The following APCDD1L variants were observed in gnomAD, a reference collection of about 807,000 sequenced individuals.
APCDD1L encodes APC down-regulated 1 like.
Under a neutral mutation model 24.2 loss-of-function variants are expected in APCDD1L, and 21 were observed. That is an observed-to-expected ratio of 0.87 (90% CI 0.61 to 1.25). APCDD1L has a LOEUF of 1.25. Among genes scored for constraint, APCDD1L ranks in the 50% most tolerant of loss-of-function variants. The pLI is 0.00. For missense variants in APCDD1L, 704 were observed against 711.7 expected (o/e 0.99, Z 0.12); for synonymous variants, 321 against 323.6 (o/e 0.99, Z 0.09).
chr20:58,490,852 G>T (rs998790629), intron 1 of APCDD1L, among the ~76,000 whole-genome samples: 1 of 152,196 alleles, frequency 6.6e-6, no homozygotes, highest in Non-Finnish European at 1.5e-5. Context: ...AGAGAGGAAA[G>T]TTATAGGCCA....
At chr20:58,511,733 A>G (rs1990631403) in intron 1 of APCDD1L, among the ~76,000 whole-genome samples, 1 of 152,150 alleles carries the variant, frequency 6.6e-6, no homozygotes, top group African/African-American at 2.4e-5. Flanking sequence ...GGATGAGTGT[A>G]TTTAAGTAAT....
At chr20:58,481,477 T>TC (rs1990023520) in intron 1 of APCDD1L, among the ~76,000 whole-genome samples, 1 of 152,158 alleles carries the variant, frequency 6.6e-6, no homozygotes, top group Non-Finnish European at 1.5e-5. Context: ...CACCAGATCT[T>TC]CCCCAGAGGG....
At chr20:58,504,162 G>C (rs1990492323) in intron 1 of APCDD1L, among the ~76,000 whole-genome samples, 1 of 152,214 alleles carries the variant, frequency 6.6e-6, no homozygotes, top group South Asian at 2.1e-4. Flanking sequence ...ATGGGGGAGA[G>C]GAGACAGCAG....
Position 58,467,388 on chromosome 20 carries a change from G to A in APCDD1L, c.459C>T (p.Arg153=). ...VDVTGRLNQT[R]AGRDCARRLP... is the part of the protein sequence containing the mutation. ...GCCGCCGCGCGCAGTCCCGGCCGGC[G>A]CGGGTCTGGTTGAGGCGCCCGGTGA... is the stretch of plus-strand genomic sequence containing the variant. The change falls in exon 3 of 4, where the codon CGC becomes CGT. Residue 153 remains arginine (R), a synonymous_variant. Coordinates refer to ENST00000371149, the MANE Select transcript of APCDD1L (RefSeq NM_153360.3). The surrounding 1 kb of genome is among the most constrained non-coding windows in gnomAD (Gnocchi z 5.9). 6.6e-7 allele frequency: 1 copy of A among 1,515,178 alleles called. No individual in the cohort carries two copies. The highest frequency in any genetic ancestry group is 8.8e-7 in the Non-Finnish European group (1 of 1,135,080). The allele number at this position is 1,515,178 out of a possible 1,614,324, so 93.9% of individuals were successfully genotyped here. A position where few individuals can be genotyped will look rare whatever the true frequency, so the allele number is the denominator to read the frequency against.
At chr20:58,495,408 A>T in intron 1 of APCDD1L, among the ~76,000 whole-genome samples, 1 of 152,308 alleles carries the variant, frequency 6.6e-6, no homozygotes, top group South Asian at 2.1e-4. Flanking sequence ...TAGAAGCCTT[A>T]TCAAACGCTG....
chr20:58,513,004 C>T (rs1990658080), intron 1 of APCDD1L, among the ~76,000 whole-genome samples: 1 of 151,244 alleles, frequency 6.6e-6, no homozygotes, highest in East Asian at 2.0e-4. Context: ...CCCCAAGAGC[C>T]AGCCACGGCT....
At chr20:58,465,971 AG>A (rs990088215) in intron 3 of APCDD1L, among the ~76,000 whole-genome samples, 6 of 151,890 alleles carry the variant, frequency 4.0e-5, no homozygotes, top group South Asian at 2.1e-4. Context: ...AGATTTTCTG[AG>A]GGGGGTTCCT....
At chr20:58,505,695 G>A (rs917387277) in intron 1 of APCDD1L, among the ~76,000 whole-genome samples, 5 of 151,854 alleles carry the variant, frequency 3.3e-5, no homozygotes, top group Non-Finnish European at 5.9e-5. Context: ...TTGCAACACT[G>A]CAAAATATAT....
intron 1 of APCDD1L, among the ~76,000 whole-genome samples, chr20:58,512,894 C>A (rs889403015): frequency 6.6e-6 from 1 of 152,038 alleles, no homozygotes; most frequent in Non-Finnish European, 1.5e-5. Flanking sequence ...CAGGCTGCCC[C>A]CCTCTCTCGT....
chr20:58,476,114 C>G (rs886313596), intron 1 of APCDD1L, among the ~76,000 whole-genome samples: 6 of 152,184 alleles, frequency 3.9e-5, no homozygotes, highest in Non-Finnish European at 8.8e-5. Context: ...CAAGGGCCAT[C>G]CAAAATTGAG....
intron 1 of APCDD1L, among the ~76,000 whole-genome samples, chr20:58,486,854 G>GTTTTTTTTTTTTTTTTTTTTTT (rs747539318): frequency 3.7e-5 from 3 of 80,404 alleles, no homozygotes; most frequent in Non-Finnish European, 6.4e-5. Context: ...TGGAGGGAAG[G>GTTTTTTTTTTTTTTTTTTTTTT]TTTTTTTTTT....
intron 1 of APCDD1L, chr20:58,514,040 C>T (rs1296647501): frequency 2.7e-6 from 3 of 1,094,194 alleles, no homozygotes; most frequent in East Asian, 6.0e-5. Context: ...GTCTACCCTA[C>T]TCCCCACCCC....
At chr20:58,489,490 TG>T (rs1385547163) in intron 1 of APCDD1L, among the ~76,000 whole-genome samples, 1 of 152,152 alleles carries the variant, frequency 6.6e-6, no homozygotes, top group Non-Finnish European at 1.5e-5. Flanking sequence ...GAGATCAGCC[TG>T]GCCAGCATGG....
chr20:58,508,943 T>G lies in APCDD1L; in HGVS notation c.49+5716A>C, dbSNP rs180808419. ...GTGTGCATGAGTGTGCGTGAGTGTG[T>G]GTGAGTGTGCATGTGTGTCTGTGTG... On this transcript the variant is annotated intron_variant, in intron 1 of 3. Coordinates refer to ENST00000371149, the MANE Select transcript of APCDD1L (RefSeq NM_153360.3). The surrounding 1 kb of genome is among the most constrained non-coding windows in gnomAD (Gnocchi z 4.0). Among the ~76,000 whole-genome samples the G allele has an allele frequency of 1.3e-5, 2 of 151,932 alleles. No individual in the cohort carries two copies. The highest frequency in any genetic ancestry group is 4.8e-5 in the African/African-American group (2 of 41,342).
intron 1 of APCDD1L, 33 bp from the exon 2 acceptor site, chr20:58,470,780 G>A (rs1374636788): frequency 1.3e-6 from 2 of 1,509,714 alleles, no homozygotes; most frequent in Admixed American, 4.1e-5. Context: ...TAAGACCCCA[G>A]CATGCCCCGG....
rs374198780 is a variant in APCDD1L, at chr20:58,501,536, C to T, written c.49+13123G>A. On this transcript the variant is annotated intron_variant, in intron 1 of 3. Transcript: ENST00000371149. ...ACCCTGCAGACACCTTGATCTCTGA[C>T]TTCCAGCCTCCAGAGCTGGGCAAGA... 1.1e-4 allele frequency among the ~76,000 whole-genome samples: 16 copies of T among 152,354 alleles called. 2 individuals are homozygous for T. Among genetic ancestry groups the T allele is most frequent in the African/African-American group, 3.8e-4 (16 of 41,584 alleles).
intron 1 of APCDD1L, among the ~76,000 whole-genome samples, chr20:58,499,945 A>T (rs966579125): frequency 6.6e-6 from 1 of 152,184 alleles, no homozygotes; most frequent in African/African-American, 2.4e-5. Context: ...GATATTTTGT[A>T]TGTGTGCCTA....
chr20:58,491,974 G>T (rs1453453698), intron 1 of APCDD1L, among the ~76,000 whole-genome samples: 1 of 152,206 alleles, frequency 6.6e-6, no homozygotes, highest in African/African-American at 2.4e-5. Context: ...AGAAGAGAGG[G>T]CTGGTCAAGA....
intron 1 of APCDD1L, among the ~76,000 whole-genome samples, chr20:58,475,451 A>C (rs1303509500): frequency 3.3e-5 from 5 of 152,098 alleles, no homozygotes; most frequent in African/African-American, 4.8e-5. Context: ...CTGAGTTTTA[A>C]AAGGTGATTG....
Sources: allele counts gnomAD v4.1 joint callset (sites outside exome capture counted in the v4.1 genomes callset), GRCh38; gene constraint gnomAD v4.1.1; non-coding constraint Gnocchi (gnomAD v3.1); transcripts MANE v1.5; gene names NCBI Gene and HGNC (gene_info 2026-07-23, HGNC 2026-07-21).